COG5: variants seen among roughly 807,000 people sequenced by gnomAD.
COG5 encodes the protein component of oligomeric golgi complex 5.
COG5 carries 86 observed loss-of-function variants against 110.4 expected under a neutral mutation model. The ratio of observed to expected loss-of-function variants is 0.78; its 90% CI spans 0.65 to 0.93. The LOEUF is 0.93. Ranked by LOEUF, COG5 falls within the 40% of genes least tolerant of loss-of-function variation. The pLI, the probability that COG5 is intolerant of heterozygous loss-of-function variation, is 0.00. For synonymous variants in COG5, 360 were observed against 334.6 expected, an observed-to-expected ratio of 1.08 and a Z score of -0.83; for missense variants, 1,077 against 987.0, an observed-to-expected ratio of 1.09 and a Z score of -1.22.
At chr7:107,457,146 T>C (rs1262232833) in intron 6 of COG5, among the ~76,000 whole-genome samples, 1 of 152,114 alleles carries the variant, frequency 6.6e-6, no homozygotes, top group Non-Finnish European at 1.5e-5. Flanking sequence ...CTATTAAAAG[T>C]ATATTCACAG....
At chr7:107,255,331 C>T (rs1802805530) in intron 16 of COG5, among the ~76,000 whole-genome samples, 1 of 151,996 alleles carries the variant, frequency 6.6e-6, no homozygotes, top group African/African-American at 2.4e-5. Context: ...ATAGAGAAAA[C>T]ATACAAGTAT....
chr7:107,218,908 A>G (rs1276031025), intron 19 of COG5, among the ~76,000 whole-genome samples: 1 of 152,104 alleles, frequency 6.6e-6, no homozygotes, highest in African/African-American at 2.4e-5. Context: ...AAAAGAAATA[A>G]TGAGAATAAA....
At chr7:107,266,863 G>A (rs770497529) in intron 14 of COG5, among the ~76,000 whole-genome samples, 2 of 151,982 alleles carry the variant, frequency 1.3e-5, no homozygotes, top group African/African-American at 4.8e-5. Flanking sequence ...TTATCTCCTG[G>A]ACTGTTAAAT....
At chr7:107,395,541 C>CTTTTTTTTTTTTT (rs67581814) in intron 7 of COG5, among the ~76,000 whole-genome samples, 2 of 49,994 alleles carry the variant, frequency 4.0e-5, no homozygotes, top group African/African-American at 1.9e-4. Flanking sequence ...TGAAGCAGAT[C>CTTTTTTTTTTTTT]TTTTTTTTTT....
intron 1 of COG5, among the ~76,000 whole-genome samples, chr7:107,558,889 A>G (rs1415250643): frequency 7.3e-6 from 1 of 137,582 alleles, no homozygotes; most frequent in Non-Finnish European, 1.6e-5. Flanking sequence ...CTCTGTCCCA[A>G]AAAAAAAAAA....
chr7:107,523,160 T>TGA lies in COG5; in HGVS notation c.538+4075_538+4076dup, dbSNP rs547010760. On this transcript the variant is annotated intron_variant, in intron 6 of 21. Transcript: ENST00000297135. The stretch of plus-strand genomic sequence containing the variant: ...CAACTGATGAACAACATTGACTGAT[T>TGA]GATTGATTTAGGTCTTCTTTGTTCT... Among the ~76,000 whole-genome samples the TGA allele has an allele frequency of 3.9e-5, 6 of 152,298 alleles. No individual in the cohort carries two copies. In the East Asian group the frequency reaches 1.2e-3, roughly 29 times the overall value.
At chr7:107,480,428 T>C (rs1332288866) in intron 6 of COG5, among the ~76,000 whole-genome samples, 1 of 152,088 alleles carries the variant, frequency 6.6e-6, no homozygotes, top group Non-Finnish European at 1.5e-5. Flanking sequence ...CAGTGAACTC[T>C]AAGAAAGTTA....
chr7:107,247,907 G>A (rs937264755), intron 17 of COG5, among the ~76,000 whole-genome samples: 1 of 152,214 alleles, frequency 6.6e-6, no homozygotes, highest in Non-Finnish European at 1.5e-5. Flanking sequence ...AGGTTGGGCT[G>A]CAGCTTGCCC....
chr7:107,424,831 T>G (rs1187221237), intron 6 of COG5, among the ~76,000 whole-genome samples: 2 of 152,182 alleles, frequency 1.3e-5, no homozygotes, highest in Admixed American at 1.3e-4. Context: ...AGAGCTAAAC[T>G]TGATCACATA....
chr7:107,442,165 C>G (rs1794741465), intron 6 of COG5, among the ~76,000 whole-genome samples: 1 of 152,160 alleles, frequency 6.6e-6, no homozygotes, highest in Admixed American at 6.5e-5. Flanking sequence ...TTGTGATAGT[C>G]AGTGAGTTCT....
Position 107,364,279 on chromosome 7 carries a change from TAAC to T in COG5, c.836-1862_836-1860del, listed in dbSNP as rs912029749. Among the ~76,000 whole-genome samples, 183 of 152,204 alleles carry T rather than the reference TAAC, an allele frequency of 1.2e-3. 1 individual carries two copies. Among genetic ancestry groups the T allele is most frequent in the Middle Eastern group, 3.4e-3 (1 of 294 alleles). On this transcript the variant is annotated intron_variant, in intron 8 of 21. Transcript: ENST00000297135. ...GCTCTCCAAAAAATGTTAATGCCAT[TAAC>T]AACAACAACAAAAAAGCCAGTGGTG...
chr7:107,257,662 A>C (rs1033203686), intron 15 of COG5, among the ~76,000 whole-genome samples: 10 of 152,140 alleles, frequency 6.6e-5, no homozygotes, highest in Non-Finnish European at 1.3e-4. Context: ...TCACAGATGG[A>C]CTTGAAAGTG....
chr7:107,241,406 A>C (rs922558405), intron 17 of COG5, among the ~76,000 whole-genome samples: 5 of 148,316 alleles, frequency 3.4e-5, no homozygotes, highest in African/African-American at 4.9e-5. Context: ...ATATATATAT[A>C]TATCTATATC....
At chr7:107,482,612 ACTC>A (rs1584880773) in intron 6 of COG5, among the ~76,000 whole-genome samples, 3 of 150,182 alleles carry the variant, frequency 2.0e-5, no homozygotes, top group Non-Finnish European at 3.0e-5. Flanking sequence ...TTGAAAAAAA[ACTC>A]CTCCATTTAC....
At chr7:107,415,408 C>G (rs1405294613) in intron 6 of COG5, among the ~76,000 whole-genome samples, 2 of 152,038 alleles carry the variant, frequency 1.3e-5, no homozygotes, top group Non-Finnish European at 2.9e-5. Context: ...AGAGCATTGC[C>G]ATTTTTTAAA....
intron 7 of COG5, among the ~76,000 whole-genome samples, chr7:107,379,104 G>C (rs938362349): frequency 2.0e-5 from 3 of 152,180 alleles, no homozygotes; most frequent in African/African-American, 7.2e-5. Context: ...AGAAGAGAGT[G>C]GGGGCCAACA....
chr7:107,498,791 T>C (rs1474316157), intron 6 of COG5, among the ~76,000 whole-genome samples: 2 of 152,212 alleles, frequency 1.3e-5, no homozygotes, highest in African/African-American at 2.4e-5. Context: ...GTCCCACTTC[T>C]GGGTTTTTAT....
chr7:107,404,900 A>C (rs1230595468), intron 7 of COG5, among the ~76,000 whole-genome samples: 1 of 151,436 alleles, frequency 6.6e-6, no homozygotes, highest in Non-Finnish European at 1.5e-5. Context: ...AAAAAAAAAA[A>C]AAAAAAAACA....
At position 107,211,133 on chromosome 7, in the gene COG5, G is replaced by C; in HGVS notation, c.2261C>G (p.Thr754Arg). The change falls in exon 20 of 22, where the codon ACG (threonine) becomes AGG (arginine). Residue 754 changes from threonine (T) to arginine (R), a missense_variant. Thr to Arg is a moderately conservative substitution (Grantham distance 71). Transcript: ENST00000297135. ...PFSIIIQFLF[T>R]RAPAELKSPF... is the part of the protein sequence containing the mutation. The stretch of plus-strand genomic sequence containing the variant: ...AGATTTCAGTTCAGCGGGTGCTCTC[G>C]TGAACAAAAACTGAATAATGATGCT... 1.2e-6 allele frequency: 2 copies of C among 1,614,014 alleles called. No homozygotes were observed. The highest frequency in any genetic ancestry group is 2.7e-5 in the African/African-American group (2 of 75,002).
Sources: allele counts gnomAD v4.1 joint callset (sites outside exome capture counted in the v4.1 genomes callset), GRCh38; gene constraint gnomAD v4.1.1; transcripts MANE v1.5; gene names NCBI Gene and HGNC (gene_info 2026-07-23, HGNC 2026-07-21).